Variants in RFX3 observed in about 807,000 individuals in gnomAD.
RFX3 encodes the protein transcription factor RFX3.
A neutral mutation model predicts 98.6 loss-of-function variants in RFX3; 14 were observed. The observed-to-expected ratio is 0.14, with a 90% CI of 0.09 to 0.22. RFX3 has a LOEUF of 0.22. Ranked by LOEUF, RFX3 falls within the 10% of genes least tolerant of loss-of-function variation. RFX3 has a pLI of 1.00. For synonymous variants in RFX3, 383 were observed against 328.4 expected, an observed-to-expected ratio of 1.17 and a Z score of -1.80; for missense variants, 639 against 926.9, an observed-to-expected ratio of 0.69 and a Z score of 4.03.
At chr9:3,339,428 A>C (rs1220373328) in intron 3 of RFX3, among the ~76,000 whole-genome samples, 3 of 152,206 alleles carry the variant, frequency 2.0e-5, no homozygotes, top group African/African-American at 7.2e-5. Context: ...TAAGTCTCGA[A>C]AGTTTTTCAC....
At chr9:3,404,915 A>C (rs1841820289) in intron 1 of RFX3, among the ~76,000 whole-genome samples, 1 of 152,066 alleles carries the variant, frequency 6.6e-6, no homozygotes, top group South Asian at 2.1e-4. Context: ...TGCCCATTCT[A>C]CTCAACTGCT....
chr9:3,315,889 T>C (rs1052028198), intron 4 of RFX3, among the ~76,000 whole-genome samples: 2 of 152,026 alleles, frequency 1.3e-5, no homozygotes, highest in Non-Finnish European at 2.9e-5. Flanking sequence ...ACTAATAGCC[T>C]ACCAACCAAA....
At chr9:3,317,488 G>A (rs1830759555) in intron 4 of RFX3, among the ~76,000 whole-genome samples, 1 of 152,166 alleles carries the variant, frequency 6.6e-6, no homozygotes. Context: ...AACACCAAAA[G>A]CAATGGCAAC....
At chr9:3,505,215 T>C (rs1587887697) in intron 1 of RFX3, among the ~76,000 whole-genome samples, 3 of 78,120 alleles carry the variant, frequency 3.8e-5, no homozygotes, top group Admixed American at 2.0e-4. Flanking sequence ...TATATATGAA[T>C]ATATATTTAT....
chr9:3,347,293 C>A (rs1263987182), intron 2 of RFX3, among the ~76,000 whole-genome samples: 1 of 151,568 alleles, frequency 6.6e-6, no homozygotes, highest in African/African-American at 2.4e-5. Context: ...TGCGCTCCAG[C>A]CTGGGTGACA....
intron 1 of RFX3, among the ~76,000 whole-genome samples, chr9:3,411,274 T>A (rs1169768662): frequency 1.3e-5 from 2 of 152,188 alleles, no homozygotes; most frequent in African/African-American, 4.8e-5. Context: ...GGAATTTTTT[T>A]AAATGTAGGA....
intron 2 of RFX3, among the ~76,000 whole-genome samples, chr9:3,372,608 T>C (rs10814019): frequency 0.2 from 30,519 of 149,186 alleles, 5,544 homozygotes; most frequent in African/African-American, 0.49. Flanking sequence ...AGTGCGGTGG[T>C]GTGATCTTGG....
At chr9:3,356,430 A>G (rs1835782685) in intron 2 of RFX3, among the ~76,000 whole-genome samples, 1 of 151,832 alleles carries the variant, frequency 6.6e-6, no homozygotes. Context: ...TAAAAGGCCT[A>G]AATGACCAAA....
At chr9:3,353,755 C>A (rs1835426571) in intron 2 of RFX3, among the ~76,000 whole-genome samples, 2 of 151,910 alleles carry the variant, frequency 1.3e-5, no homozygotes, top group African/African-American at 4.8e-5. Context: ...ACTTACAATA[C>A]CATAAGAATC....
At chr9:3,270,570 T>A in intron 10 of RFX3, 45 bp from the exon 11 acceptor site, 1 of 1,574,132 alleles carries the variant, frequency 6.4e-7, no homozygotes, top group South Asian at 1.2e-5. Flanking sequence ...CAAATGAGGA[T>A]AAAAAAGAAA....
chr9:3,490,644 GA>G (rs968228087), intron 1 of RFX3, among the ~76,000 whole-genome samples: 3 of 151,972 alleles, frequency 2.0e-5, no homozygotes, highest in African/African-American at 7.2e-5. Context: ...TAAATTAGGG[GA>G]AATCTCAGAA....
chr9:3,239,183 T>G (rs2130828909), intron 15 of RFX3, among the ~76,000 whole-genome samples: 1 of 152,338 alleles, frequency 6.6e-6, no homozygotes, highest in East Asian at 1.9e-4. Flanking sequence ...ATTCTGCATT[T>G]AGCACTGATA....
chr9:3,334,289 C>T (rs999429325), intron 3 of RFX3, among the ~76,000 whole-genome samples: 10 of 147,248 alleles, frequency 6.8e-5, no homozygotes, highest in Non-Finnish European at 1.5e-5. Flanking sequence ...AGATGATGTA[C>T]TTGCAATTGT....
chr9:3,231,835 G>A lies in RFX3; in HGVS notation c.1969-2946C>T, dbSNP rs1236221264. On this transcript the variant is annotated intron_variant, in intron 15 of 16. Coordinates refer to ENST00000617270, the MANE Select transcript of RFX3 (RefSeq NM_001282116.2). ...TCCCAGCACTTTGGGAGGCTGAGGC[G>A]GGTGGATCACCTGAGGTCAGGAGTT... is the stretch of plus-strand genomic sequence containing the variant. 2.6e-5 allele frequency among the ~76,000 whole-genome samples: 4 copies of A among 151,984 alleles called. No individual in the cohort carries two copies. In the East Asian group the frequency reaches 5.8e-4, roughly 22 times the overall value.
intron 2 of RFX3, among the ~76,000 whole-genome samples, chr9:3,349,603 CA>C (rs1223830447): frequency 6.4e-4 from 97 of 152,164 alleles, no homozygotes; most frequent in Non-Finnish European, 4.4e-5. Flanking sequence ...AACAGGTAAC[CA>C]TTTTCACTAT....
intron 1 of RFX3, chr9:3,469,165 A>G (rs1329281888): frequency 2.2e-6 from 1 of 455,790 alleles, no homozygotes; most frequent in Non-Finnish European, 4.4e-6. Flanking sequence ...CAAAAAGAGA[A>G]AGAAAGAAAT....
intron 7 of RFX3, among the ~76,000 whole-genome samples, chr9:3,279,888 A>G (rs1177227654): frequency 2.0e-5 from 3 of 151,868 alleles, no homozygotes; most frequent in Non-Finnish European, 2.9e-5. Flanking sequence ...GAGATAAACT[A>G]TATTATGTGG....
chr9:3,387,572 A>G (rs2131809729), intron 2 of RFX3, among the ~76,000 whole-genome samples: 1 of 152,170 alleles, frequency 6.6e-6, no homozygotes, highest in South Asian at 2.1e-4. Flanking sequence ...CTGGATACCA[A>G]TATTTTGCAG....
At chr9:3,518,600 C>CTTT in intron 1 of RFX3, among the ~76,000 whole-genome samples, 1 of 152,054 alleles carries the variant, frequency 6.6e-6, no homozygotes, top group Admixed American at 6.6e-5. Flanking sequence ...TTATAGATCA[C>CTTT]TCTAAAATGA....
Sources: gnomAD v4.1 joint callset for allele counts (sites outside exome capture counted in the v4.1 genomes callset) on GRCh38, gnomAD v4.1.1 for gene constraint, MANE v1.5 for transcripts, NCBI Gene and HGNC (gene_info 2026-07-23, HGNC 2026-07-21) for gene names.